Variants in CEACAM8 observed in about 807,000 individuals in gnomAD.
The protein encoded by CEACAM8 is CEA cell adhesion molecule 8.
CEACAM8 carries 31 observed loss-of-function variants against 33.4 expected under a neutral mutation model. The observed-to-expected ratio is 0.93, with a 90% confidence interval of 0.70 to 1.25. CEACAM8 has a LOEUF of 1.25. Among genes scored for constraint, CEACAM8 ranks in the 50% most tolerant of loss-of-function variants. The probability of loss-of-function intolerance (pLI) is 0.00; values close to 1 mark genes in which losing one functional copy is unlikely to be tolerated. For synonymous variants in CEACAM8, 138 were observed against 164.5 expected, an observed-to-expected ratio of 0.84 and a Z score of 1.23; for missense variants, 388 against 434.6, an observed-to-expected ratio of 0.89 and a Z score of 0.95.
chr19:42,584,203 TAC>T (rs568291319), intron 4 of CEACAM8, among the ~76,000 whole-genome samples: 4,988 of 148,736 alleles, frequency 0.034, 112 homozygotes, highest in Non-Finnish European at 0.053. Context: ...AGATACCTTT[TAC>T]ACACACACAC....
At chr19:42,588,717 C>A in intron 4 of CEACAM8, 67 bp downstream of exon 4, 2 of 1,572,498 alleles carry the variant, frequency 1.3e-6, no homozygotes, top group Non-Finnish European at 8.7e-7. Flanking sequence ...TTTTTTCTGG[C>A]TCATCTCTGA....
chr19:42,583,658 T>G (rs765438701), intron 4 of CEACAM8, among the ~76,000 whole-genome samples: 1 of 152,236 alleles, frequency 6.6e-6, no homozygotes, highest in South Asian at 2.1e-4. Flanking sequence ...CTTTTCATGG[T>G]TGCATCTTTT....
At chr19:42,586,881 A>G (rs1350367193) in intron 4 of CEACAM8, among the ~76,000 whole-genome samples, 1 of 152,216 alleles carries the variant, frequency 6.6e-6, no homozygotes, top group East Asian at 1.9e-4. Context: ...CTACAAATCC[A>G]CAACAGCAAA....
At chr19:42,589,772 C>A in intron 2 of CEACAM8, 37 bp from the exon 3 acceptor site, 1 of 1,613,558 alleles carries the variant, frequency 6.2e-7, no homozygotes, top group Non-Finnish European at 8.5e-7. Context: ...CCCTGTGTGG[C>A]ACCTTTGATT....
rs773213224 is a variant in CEACAM8, at chr19:42,589,448, G to A, written c.703+9C>T. On this transcript the variant is annotated intron_variant, in intron 3 of 5. Coordinates refer to ENST00000244336, the MANE Select transcript of CEACAM8 (RefSeq NM_001816.4). Reference sequence around the variant, plus strand: ...TGGCCTGGGCCACAGAGGAACAGAAGATACTCACAGAGGACATTCAGGGTG... The same window carrying A: ...TGGCCTGGGCCACAGAGGAACAGAAAATACTCACAGAGGACATTCAGGGTG... 1.2e-6 allele frequency: 2 copies of A among 1,614,088 alleles called. No individual in the cohort carries two copies. Among genetic ancestry groups the A allele is most frequent in the East Asian group, 2.2e-5 (1 of 44,882 alleles).
chr19:42,590,441 T>G (rs2042416544), intron 2 of CEACAM8, among the ~76,000 whole-genome samples: 1 of 152,176 alleles, frequency 6.6e-6, no homozygotes, highest in African/African-American at 2.4e-5. Flanking sequence ...TTCCTTTCCT[T>G]GGTTTTTAAT....
At chr19:42,584,680 CAG>C (rs745920895) in intron 4 of CEACAM8, among the ~76,000 whole-genome samples, 1 of 152,340 alleles carries the variant, frequency 6.6e-6, no homozygotes, top group Non-Finnish European at 1.5e-5. Context: ...GTTGAGGAAT[CAG>C]AGGCTCAGAG....
In CEACAM8 at chr19:42,594,918, C is replaced by T; in HGVS notation, c.-90G>A. ...ACGGCTGTCAGCTGTGCTGTCCTTC[C>T]TCCTTTTGTGCTGAGCCTCTTCCCG... On this transcript the variant is annotated 5_prime_UTR_variant, in exon 1 of 6. Transcript: ENST00000244336. 2 of 1,436,062 alleles carry T rather than the reference C, an allele frequency of 1.4e-6. No homozygotes were observed. The highest frequency in any genetic ancestry group is 1.9e-6 in the Non-Finnish European group (2 of 1,058,230). The allele number at this position is 1,436,062 out of a possible 1,614,324, so 89.0% of individuals were successfully genotyped here.
intron 2 of CEACAM8, among the ~76,000 whole-genome samples, chr19:42,592,215 A>G (rs1427037496): frequency 6.6e-6 from 1 of 152,148 alleles, no homozygotes; most frequent in African/African-American, 2.4e-5. Flanking sequence ...GAGAGACCTC[A>G]TGTGACCCTG....
At chr19:42,581,920 A>AAT (rs57314008) in intron 5 of CEACAM8, among the ~76,000 whole-genome samples, 3,834 of 25,238 alleles carry the variant, frequency 0.15, 495 homozygotes, top group East Asian at 0.22. Context: ...AAAAAAAAAA[A>AAT]ATATATATAT....
chr19:42,593,848 T>C lies in CEACAM8; in HGVS notation c.117A>G (p.Glu39=), dbSNP rs2042493957. The part of the protein sequence containing the change: ...NPPTTAQLTI[E]AVPSNAAEGK... ...CCTCTGCAGCATTGGATGGCACAGC[T>C]TCAATAGTGAGCTGAGCAGTGGTGG... The change falls in exon 2 of 6, where the codon GAA becomes GAG. Residue 39 remains glutamate (E), a synonymous_variant. Coordinates refer to ENST00000244336, the MANE Select transcript of CEACAM8 (RefSeq NM_001816.4). 5 of 1,613,170 alleles carry C rather than the reference T, an allele frequency of 3.1e-6. No individual in the cohort carries two copies. The highest frequency in any genetic ancestry group is 1.1e-5 in the South Asian group (1 of 91,006).
chr19:42,591,994 A>G (rs781277650), intron 2 of CEACAM8, among the ~76,000 whole-genome samples: 54 of 152,198 alleles, frequency 3.5e-4, no homozygotes, highest in Non-Finnish European at 1.0e-4. Context: ...AGGATCTTAG[A>G]GGGAGCCTGG....
intron 2 of CEACAM8, among the ~76,000 whole-genome samples, chr19:42,593,068 C>G (rs902403257): frequency 2.0e-5 from 3 of 152,214 alleles, no homozygotes; most frequent in Admixed American, 2.0e-4. Flanking sequence ...CCTAGTTGGC[C>G]CTGCCCAGGA....
intron 2 of CEACAM8, among the ~76,000 whole-genome samples, chr19:42,590,878 CAGTG>C (rs1308929444): frequency 1.3e-5 from 2 of 152,190 alleles, no homozygotes; most frequent in Admixed American, 6.5e-5. Flanking sequence ...AGCTCATATA[CAGTG>C]AGTATTTCTT....
intron 3 of CEACAM8, 126 bp from the exon 4 acceptor site, chr19:42,589,164 A>G (rs1333971919): frequency 1.3e-5 from 15 of 1,195,712 alleles, no homozygotes; most frequent in Non-Finnish European, 1.8e-5. Context: ...AACCAACCCC[A>G]ACCAAACCCC....
chr19:42,593,000 C>T (rs1313764413), intron 2 of CEACAM8, among the ~76,000 whole-genome samples: 1 of 152,208 alleles, frequency 6.6e-6, no homozygotes, highest in Non-Finnish European at 1.5e-5. Context: ...GGGTCTAAGC[C>T]CTGGCTGGTG....
chr19:42,588,811 TC>T lies in CEACAM8; in HGVS notation c.930del (p.Thr311ProfsTer5), dbSNP rs747143564. On this transcript the variant is annotated frameshift_variant, in exon 4 of 6. Transcript: ENST00000244336. LOFTEE classifies it high-confidence loss of function. The part of the protein sequence containing the change: ...HTTNSATGRN[R>X]TTVRMITVSD... ...GAGACTGTGATCATCCTGACTGTGG[TC>T]CTGTTGCGGCCAGTGGCTGAGTTAG... The T allele has an allele frequency of 5.0e-6, 8 of 1,614,078 alleles. No individual in the cohort carries two copies. Among genetic ancestry groups the T allele is most frequent in the Admixed American group, 1.7e-5 (1 of 60,010 alleles).
chr19:42,594,614 T>G lies in CEACAM8; in HGVS notation c.64+151A>C, dbSNP rs941935397. On this transcript the variant is annotated intron_variant, in intron 1 of 5. Transcript: ENST00000244336. ...TTCCAGTTCAATGTGATTTTCCTGT[T>G]GTGACCCCTTCCCCTCTCTTGTGTC... is the stretch of plus-strand genomic sequence containing the variant. The G allele has an allele frequency of 2.3e-5, 14 of 596,196 alleles. No individual in the cohort carries two copies. The African/African-American group carries it at 2.6e-4, about 11-fold the overall frequency. The allele number at this position is 596,196 out of a possible 1,614,324, so 36.9% of individuals were successfully genotyped here.
In CEACAM8 at chr19:42,593,823, C is replaced by G; in HGVS notation, c.142G>C (p.Gly48Arg). The change falls in exon 2 of 6, where the codon GGG becomes CGG. Residue 48 changes from glycine (G) to arginine (R), a missense_variant. Coordinates refer to ENST00000244336, the MANE Select transcript of CEACAM8 (RefSeq NM_001816.4). ...TGGACAAGTAGAAGAACCTCCTTCC[C>G]CTCTGCAGCATTGGATGGCACAGCT... is the stretch of plus-strand genomic sequence containing the variant. The part of the protein sequence containing the change: ...IEAVPSNAAE[G>R]KEVLLLVHNL... 1 of 1,613,954 alleles carries G rather than the reference C, an allele frequency of 6.2e-7. No individual in the cohort carries two copies. Among genetic ancestry groups the G allele is most frequent in the Non-Finnish European group, 8.5e-7 (1 of 1,179,936 alleles).
Sources: gnomAD v4.1 joint callset for allele counts (sites outside exome capture counted in the v4.1 genomes callset) on GRCh38, gnomAD v4.1.1 for gene constraint, MANE v1.5 for transcripts, NCBI Gene and HGNC (gene_info 2026-07-23, HGNC 2026-07-21) for gene names.